Variants in ITGB5 observed in about 807,000 individuals in gnomAD.
ITGB5 encodes integrin subunit beta 5.
Under a neutral mutation model 84.8 loss-of-function variants are expected in ITGB5, and 38 were observed. The observed-to-expected ratio is 0.45, with a 90% CI of 0.35 to 0.59. The LOEUF (loss-of-function observed/expected upper bound fraction) is 0.59. Ranked by LOEUF, ITGB5 falls within the 20% of genes least tolerant of loss-of-function variation. The pLI is 0.01. For synonymous variants in ITGB5, 393 were observed against 414.4 expected (o/e 0.95, Z 0.63); for missense variants, 905 against 1,034.5 (o/e 0.87, Z 1.72).
intron 1 of ITGB5, among the ~76,000 whole-genome samples, chr3:124,896,744 C>CT (rs1166603784): frequency 2.8e-5 from 1 of 35,450 alleles, no homozygotes. Flanking sequence ...GAGACCTTGT[C>CT]TTAAAAAAAA....
Position 124,841,401 on chromosome 3 carries a change from G to A in ITGB5, c.762C>T (p.Leu254=). The A allele has an allele frequency of 6.2e-7, 1 of 1,614,124 alleles. No homozygotes were observed. The highest frequency in any genetic ancestry group is 1.1e-5 in the South Asian group (1 of 91,066). Residue 254 remains leucine, a synonymous_variant, in exon 5 of 15, where the codon CTC becomes CTT. Coordinates refer to ENST00000296181, the MANE Select transcript of ITGB5 (RefSeq NM_002213.5). ...DAPEGGFDAV[L]QAAVCKEKIG... ...AAGTTACCTTGCAGACGGCTGCCTGGAGTACTGCATCAAAGCCCCCCTCAG... is the reference window on the plus strand; with the variant it reads ...AAGTTACCTTGCAGACGGCTGCCTGAAGTACTGCATCAAAGCCCCCCTCAG...
In ITGB5 at chr3:124,851,151, G is replaced by A. The variant is rs562754984; in HGVS notation, c.362-2593C>T. 3.1e-4 allele frequency among the ~76,000 whole-genome samples: 47 copies of A among 152,322 alleles called. 1 individual carries two copies. The East Asian group carries it at 8.5e-3, about 28-fold the overall frequency. On this transcript the variant is annotated intron_variant, in intron 3 of 14. Transcript: ENST00000296181. ...TAATTGGCTTGGATTCCGGGAGGCTGAGAGGCATCTATGGGATAGAGGCTT... is the reference window on the plus strand; with the variant it reads ...TAATTGGCTTGGATTCCGGGAGGCTAAGAGGCATCTATGGGATAGAGGCTT...
In ITGB5 at chr3:124,831,838, C is replaced by T. The variant is rs371764115; in HGVS notation, c.780+9545G>A. ...ACTCTCTCTGCTGGAAAAGATCCAC[C>T]ACGTGAAAAGCAGCATTGTGCCTCA... On this transcript the variant is annotated intron_variant, in intron 5 of 14. Coordinates refer to ENST00000296181, the MANE Select transcript of ITGB5 (RefSeq NM_002213.5). Among the ~76,000 whole-genome samples the T allele has an allele frequency of 3.9e-5, 6 of 152,268 alleles. No individual in the cohort carries two copies. The South Asian group carries it at 1.2e-3, about 32-fold the overall frequency.
intron 10 of ITGB5, among the ~76,000 whole-genome samples, chr3:124,782,673 C>T (rs2064021595): frequency 1.3e-5 from 2 of 152,206 alleles, no homozygotes; most frequent in East Asian, 3.9e-4. Context: ...GCCTGACCAA[C>T]ATGGTGAAAC....
intron 5 of ITGB5, among the ~76,000 whole-genome samples, chr3:124,822,761 C>T (rs1339287730): frequency 6.6e-6 from 1 of 152,162 alleles, no homozygotes; most frequent in Non-Finnish European, 1.5e-5. Context: ...CCAGGCCCCA[C>T]AGAAGGCACT....
chr3:124,873,602 G>C, intron 1 of ITGB5, 71 bp from the exon 2 acceptor site: 1 of 1,132,858 alleles, frequency 8.8e-7, no homozygotes, highest in South Asian at 1.2e-5. Flanking sequence ...CTTTGAATAG[G>C]GGGAATTACA....
At chr3:124,827,376 AATT>A (rs1324405162) in intron 5 of ITGB5, among the ~76,000 whole-genome samples, 1 of 152,238 alleles carries the variant, frequency 6.6e-6, no homozygotes, top group Non-Finnish European at 1.5e-5. Context: ...GGGAACTTGT[AATT>A]ATTATTCCAG....
chr3:124,886,594 G>A (rs1191604792), intron 1 of ITGB5, among the ~76,000 whole-genome samples: 1 of 152,010 alleles, frequency 6.6e-6, no homozygotes, highest in African/African-American at 2.4e-5. Context: ...GCCCGCCAAC[G>A]GAGAGCCCGG....
intron 1 of ITGB5, among the ~76,000 whole-genome samples, chr3:124,897,280 G>A (rs1027945835): frequency 6.6e-6 from 1 of 152,038 alleles, no homozygotes; most frequent in South Asian, 2.1e-4. Flanking sequence ...GGAGGGAGAG[G>A]TGGGATCTCA....
upstream of ITGB5, among the ~76,000 whole-genome samples, chr3:124,890,690 C>T (rs897461264): frequency 6.6e-6 from 1 of 152,242 alleles, no homozygotes; most frequent in African/African-American, 2.4e-5. Context: ...CCCTGGTTCC[C>T]TTCTTACTAG....
intron 1 of ITGB5, among the ~76,000 whole-genome samples, chr3:124,899,032 G>A (rs972398722): frequency 6.6e-6 from 1 of 151,342 alleles, no homozygotes; most frequent in East Asian, 1.9e-4. Flanking sequence ...CCTAGATTGC[G>A]CCATTGCATT....
At chr3:124,792,324 C>T (rs927139484) in intron 10 of ITGB5, 6 of 152,188 alleles carry the variant, frequency 3.9e-5, no homozygotes, top group African/African-American at 1.4e-4. Context: ...AGGAAATAAA[C>T]TAATCTCTTA....
intron 8 of ITGB5, among the ~76,000 whole-genome samples, chr3:124,815,198 C>T (rs1174842104): frequency 6.6e-6 from 1 of 152,254 alleles, no homozygotes. Context: ...ACACGCAGAA[C>T]CCACCAGTCA....
intron 10 of ITGB5, 151 bp downstream of exon 10, chr3:124,796,237 A>G (rs2064221071): frequency 1.4e-6 from 1 of 729,508 alleles, no homozygotes; most frequent in Non-Finnish European, 2.3e-6. Flanking sequence ...CCTCCTGCCT[A>G]CGGGTAGCAA....
intron 5 of ITGB5, among the ~76,000 whole-genome samples, chr3:124,832,096 A>T (rs1414553236): frequency 1.3e-5 from 2 of 152,166 alleles, no homozygotes; most frequent in East Asian, 1.9e-4. Context: ...ATAGAGAGGA[A>T]ACTCTTAGCT....
intron 10 of ITGB5, among the ~76,000 whole-genome samples, chr3:124,775,178 C>G (rs1238582362): frequency 6.6e-6 from 1 of 152,182 alleles, no homozygotes. Flanking sequence ...GCAGGAATAT[C>G]ACTCGGCTCA....
At chr3:124,781,028 G>T (rs983745282) in intron 10 of ITGB5, 1 of 152,386 alleles carries the variant, frequency 6.6e-6, no homozygotes, top group Non-Finnish European at 1.5e-5. Context: ...GCTTCAGTTC[G>T]CTGGTGTCTG....
chr3:124,801,487 C>G (rs1432041900), intron 9 of ITGB5, among the ~76,000 whole-genome samples: 1 of 152,204 alleles, frequency 6.6e-6, no homozygotes, highest in African/African-American at 2.4e-5. Flanking sequence ...CACAGAACCA[C>G]AGCCTGCACC....
intron 10 of ITGB5, chr3:124,792,807 G>C (rs1226455323): frequency 2.0e-5 from 3 of 152,136 alleles, no homozygotes; most frequent in Admixed American, 6.6e-5. Flanking sequence ...GGGGTTTTTG[G>C]ATATGAAGTC....
Sources: allele counts gnomAD v4.1 joint callset (sites outside exome capture counted in the v4.1 genomes callset), GRCh38; gene constraint gnomAD v4.1.1; transcripts MANE v1.5; gene names NCBI Gene and HGNC (gene_info 2026-07-23, HGNC 2026-07-21).